The following LIG3 variants were observed in gnomAD, a reference collection of about 807,000 sequenced individuals.
The protein encoded by LIG3 is ligase II, DNA, ATP-dependent.
A neutral mutation model predicts 110.9 loss-of-function variants in LIG3; 58 were observed. That is an observed-to-expected ratio of 0.52 (90% CI 0.42 to 0.65). The LOEUF (loss-of-function observed/expected upper bound fraction) is 0.65. Among genes scored for constraint, LIG3 ranks in the 30% least tolerant of loss-of-function variants. The pLI is 0.00. For synonymous variants in LIG3, 422 were observed against 472.8 expected, an observed-to-expected ratio of 0.89 and a Z score of 1.39; for missense variants, 1,094 against 1,273.8, an observed-to-expected ratio of 0.86 and a Z score of 2.15.
At chr17:35,003,652 G>A (rs2090868491) in intron 19 of LIG3, 1 of 158,690 alleles carries the variant, frequency 6.3e-6, no homozygotes, top group Admixed American at 6.0e-5. Context: ...ACTAGGTTTA[G>A]TACTGGCTCA....
Position 35,002,693 on chromosome 17 carries a change from C to T in LIG3, c.2700C>T (p.Ser900=), listed in dbSNP as rs368519526. The change falls in exon 19 of 20, where the codon TCC becomes TCT. Residue 900 remains serine (S), a synonymous_variant. Coordinates refer to ENST00000378526, the MANE Select transcript of LIG3 (RefSeq NM_013975.4). ...KDGNMQTAKP[S]AMKVGEKLAT... Reference sequence around the variant, plus strand: ...GCAACATGCAGACTGCAAAGCCTTCCGCTATGAAGGTGGGGGAGAAGCTGG... The same window carrying T: ...GCAACATGCAGACTGCAAAGCCTTCTGCTATGAAGGTGGGGGAGAAGCTGG... 484 of 1,613,584 alleles carry T rather than the reference C, an allele frequency of 3.0e-4. 5 individuals carry two copies. The South Asian group carries it at 4.2e-3, about 14-fold the overall frequency.
At chr17:34,991,463 C>A in intron 5 of LIG3, 1 of 612,754 alleles carries the variant, frequency 1.6e-6, no homozygotes, top group Admixed American at 3.1e-5. Context: ...TTGGTTTGTC[C>A]GTGACTCTAT....
At chr17:35,002,462 G>A (rs1313483974) in intron 18 of LIG3, among the ~76,000 whole-genome samples, 1 of 152,112 alleles carries the variant, frequency 6.6e-6, no homozygotes, top group East Asian at 1.9e-4. Flanking sequence ...CTGACTTCAG[G>A]GAGCATTATC....
intron 15 of LIG3, 104 bp from the exon 16 acceptor site, chr17:34,999,678 C>A: frequency 8.4e-7 from 1 of 1,184,960 alleles, no homozygotes; most frequent in Non-Finnish European, 1.2e-6. Flanking sequence ...ATGGCTCAAA[C>A]ATCAGCTGTT....
chr17:34,986,668 G>A (rs924456719), intron 3 of LIG3, among the ~76,000 whole-genome samples: 1 of 152,086 alleles, frequency 6.6e-6, no homozygotes, highest in Non-Finnish European at 1.5e-5. Flanking sequence ...AACCTCTATC[G>A]CAGCGGAAAG....
At position 35,004,314 on chromosome 17, in the gene LIG3, A is replaced by G; in HGVS notation, c.2838A>G (p.Pro946=). The change falls in exon 20 of 20, where the codon CCA becomes CCG. Residue 946 remains proline, a synonymous_variant. Coordinates refer to ENST00000378526, the MANE Select transcript of LIG3 (RefSeq NM_013975.4). The part of the protein sequence containing the change: ...DIFTGVRLYL[P]PSTPDFSRLR... Reference sequence around the variant, plus strand: ...TCACTGGGGTGCGGCTTTACTTGCCACCCTCCACACCAGACTTCAGCCGTC... The same window carrying G: ...TCACTGGGGTGCGGCTTTACTTGCCGCCCTCCACACCAGACTTCAGCCGTC... 2 of 1,613,956 alleles carry G rather than the reference A, an allele frequency of 1.2e-6. No homozygotes were observed. The highest frequency in any genetic ancestry group is 2.2e-5 in the South Asian group (2 of 91,058).
At chr17:34,998,882 A>C (rs1357127297) in intron 14 of LIG3, 155 bp downstream of exon 14, 1 of 812,500 alleles carries the variant, frequency 1.2e-6, no homozygotes, top group East Asian at 2.7e-5. Context: ...GAGTCACCTC[A>C]GGCAGAGCTG....
chr17:34,998,736 G>A lies in LIG3; in HGVS notation c.2113+9G>A. 3 of 1,613,078 alleles carry A rather than the reference G, an allele frequency of 1.9e-6. No homozygotes were observed. The highest frequency in any genetic ancestry group is 2.5e-6 in the Non-Finnish European group (3 of 1,179,490). The stretch of plus-strand genomic sequence containing the variant: ...TGGGCAAGGGAGCAAAGGTCAGGGT[G>A]GCCTCTGCCCCCTGGGGTGGTACTG... On this transcript the variant is annotated intron_variant, in intron 14 of 19. Transcript: ENST00000378526.
At chr17:34,986,679 AT>A (rs1312033220) in intron 3 of LIG3, among the ~76,000 whole-genome samples, 1 of 152,104 alleles carries the variant, frequency 6.6e-6, no homozygotes, top group Non-Finnish European at 1.5e-5. Context: ...CAGCGGAAAG[AT>A]TTGTTTTGTC....
intron 16 of LIG3, 60 bp downstream of exon 16, chr17:34,999,916 T>C: frequency 1.5e-6 from 2 of 1,341,392 alleles, no homozygotes; most frequent in Non-Finnish European, 2.1e-6. Flanking sequence ...GGTTCTCTAG[T>C]GCCATAGAGA....
At chr17:35,002,600 T>C (rs2090854818) in intron 18 of LIG3, 68 bp from the exon 19 acceptor site, 4 of 1,535,880 alleles carry the variant, frequency 2.6e-6, no homozygotes, top group Admixed American at 2.0e-5. Flanking sequence ...CTGAGTTGAA[T>C]TGATCCTCCC....
At chr17:35,003,976 C>T (rs76367775) in intron 19 of LIG3, 228 of 355,758 alleles carry the variant, frequency 6.4e-4, no homozygotes, top group African/African-American at 4.4e-3. Context: ...GAGCCAGCTC[C>T]GCCTGCCCAC....
chr17:34,984,604 C>G (rs2142234423), intron 2 of LIG3, among the ~76,000 whole-genome samples: 1 of 151,334 alleles, frequency 6.6e-6, no homozygotes. Flanking sequence ...AGAGTAAAAC[C>G]TGGATACTAT....
At position 34,994,480 on chromosome 17, in the gene LIG3, C is replaced by CT. The variant is rs1567690550; in HGVS notation, c.1611+50dup. On this transcript the variant is annotated intron_variant, in intron 9 of 19. Coordinates refer to ENST00000378526, the MANE Select transcript of LIG3 (RefSeq NM_013975.4). The stretch of plus-strand genomic sequence containing the variant: ...AGGACCGTCTTTCCCCTTTCTGCCT[C>CT]TAACAACCTCAGGGCCAGAGTCCCA... 3.8e-6 allele frequency: 6 copies of CT among 1,583,374 alleles called. No individual in the cohort carries two copies. In the East Asian group the frequency reaches 1.3e-4, roughly 36 times the overall value.
intron 16 of LIG3, among the ~76,000 whole-genome samples, chr17:35,000,642 G>A (rs1209555062): frequency 7.4e-6 from 1 of 135,416 alleles, no homozygotes; most frequent in African/African-American, 2.9e-5. Flanking sequence ...TTGAGACAGG[G>A]TCTCACTCTG....
intron 3 of LIG3, among the ~76,000 whole-genome samples, chr17:34,988,067 C>T (rs1393250520): frequency 6.6e-6 from 1 of 151,646 alleles, no homozygotes; most frequent in African/African-American, 2.4e-5. Context: ...GTGGCAGGCA[C>T]CTGTAGTCCC....
In LIG3 at chr17:34,980,697, T is replaced by A. The variant is rs1468735989; in HGVS notation, c.-5+75T>A. 13 of 883,062 alleles carry A rather than the reference T, an allele frequency of 1.5e-5. No homozygotes were observed. The Admixed American group carries it at 6.8e-4, about 46-fold the overall frequency. The allele number at this position is 883,062 out of a possible 1,614,324, so 54.7% of individuals were successfully genotyped here. On this transcript the variant is annotated intron_variant, in intron 1 of 19. Coordinates refer to ENST00000378526, the MANE Select transcript of LIG3 (RefSeq NM_013975.4). ...AGGCAGCGGGCCCGGGGCGAGGAGC[T>A]CGGCGCGGCCGGGGAGCCAGCCCCC...
intron 1 of LIG3, 86 bp downstream of exon 1, chr17:34,980,708 G>C (rs548619957): frequency 1.2e-6 from 1 of 802,890 alleles, no homozygotes; most frequent in Non-Finnish European, 1.5e-6. Context: ...CGGCGCGGCC[G>C]GGGAGCCAGC....
rs1491485955 is a variant in LIG3 at position 35,004,638 on chromosome 17, T to TA, written c.*132_*133insA. On this transcript the variant is annotated 3_prime_UTR_variant, in exon 20 of 20. Coordinates refer to ENST00000378526, the MANE Select transcript of LIG3 (RefSeq NM_013975.4). ...TCTCCCAAACCCACCAGTTCTCCAC[T>TA]GTCTCTTCTGGACCAGGAATTAGTT... is the stretch of plus-strand genomic sequence containing the variant. The TA allele has an allele frequency of 1.5e-5, 10 of 678,574 alleles. No homozygotes were observed. In the Admixed American group the frequency reaches 2.2e-4, roughly 15 times the overall value. 42.0% of individuals were successfully genotyped at this position (678,574 alleles called of 1,614,324 possible). A position where few individuals can be genotyped will look rare whatever the true frequency, so the allele number is the denominator to read the frequency against.
Sources: allele counts gnomAD v4.1 joint callset (sites outside exome capture counted in the v4.1 genomes callset), GRCh38; gene constraint gnomAD v4.1.1; transcripts MANE v1.5; gene names NCBI Gene and HGNC (gene_info 2026-07-23, HGNC 2026-07-21).